MYO10: variants seen among roughly 807,000 people sequenced by gnomAD.
MYO10 encodes the protein unconventional myosin-X.
MYO10 carries 133 observed loss-of-function variants against 257.3 expected under a neutral mutation model. That is an observed-to-expected ratio of 0.52 (90% CI 0.45 to 0.60). MYO10 has a LOEUF of 0.60. Among genes scored for constraint, MYO10 ranks in the 20% least tolerant of loss-of-function variants. The probability of loss-of-function intolerance (pLI) is 0.00; values close to 1 mark genes in which losing one functional copy is unlikely to be tolerated. For missense variants in MYO10, 2,399 were observed against 2,635.7 expected (o/e 0.91, Z 1.97); for synonymous variants, 1,104 against 1,028.6 (o/e 1.07, Z -1.40).
chr5:16,694,534 C>G lies in MYO10; in HGVS notation c.3637G>C (p.Ala1213Pro). ...TTGTGGAGCCAGCCTTGCTTGAGGG[C>G]CTCCTGCTTGGAGCGGAACCACAAG... ...TFLWFRSKQE[A>P]LKQGWLHKKG... Residue 1213 changes from alanine (A) to proline (P), a missense_variant, in exon 27 of 41, where the codon GCC becomes CCC. By Grantham distance (27) the Ala-to-Pro change is conservative (BLOSUM62 -1). Coordinates refer to ENST00000513610, the MANE Select transcript of MYO10 (RefSeq NM_012334.3). 2 of 1,613,988 alleles carry G rather than the reference C, an allele frequency of 1.2e-6. No individual in the cohort carries two copies. Among genetic ancestry groups the G allele is most frequent in the Non-Finnish European group, 1.7e-6 (2 of 1,179,886 alleles).
At chr5:16,731,335 G>A (rs935639672) in intron 19 of MYO10, among the ~76,000 whole-genome samples, 6 of 149,992 alleles carry the variant, frequency 4.0e-5, no homozygotes, top group East Asian at 2.0e-4. Context: ...GAGCCACCAC[G>A]CCCAGTTTTG....
chr5:16,758,141 G>A lies in MYO10; in HGVS notation c.1825C>T (p.Pro609Ser). The A allele has an allele frequency of 6.2e-7, 1 of 1,612,526 alleles. No individual in the cohort carries two copies. Among genetic ancestry groups the A allele is most frequent in the South Asian group, 1.1e-5 (1 of 91,054 alleles). Residue 609 changes from proline (P) to serine (S), a missense_variant, in exon 18 of 41, where the codon CCT becomes TCT. Coordinates refer to ENST00000513610, the MANE Select transcript of MYO10 (RefSeq NM_012334.3). Reference protein sequence around the residue: ...TLKCGSKHRRPTVSSQFKDSL... With the variant: ...TLKCGSKHRRSTVSSQFKDSL... ...ACCTTGAACTGTGAGCTGACTGTAG[G>A]CCGCCGATGTTTGCTTCCACATTTC...
chr5:16,816,215 T>G (rs1742603036), intron 3 of MYO10, among the ~76,000 whole-genome samples: 1 of 151,622 alleles, frequency 6.6e-6, no homozygotes, highest in Admixed American at 6.6e-5. Flanking sequence ...AGCACACGCC[T>G]GTAGTCCCAG....
intron 2 of MYO10, among the ~76,000 whole-genome samples, chr5:16,848,155 C>CTTTTTTTTTTTTTTTCTTTTTTTT (rs1554002459): frequency 3.5e-5 from 4 of 113,596 alleles, no homozygotes; most frequent in African/African-American, 1.5e-4. Flanking sequence ...CTACACATTT[C>CTTTTTTTTTTTTTTTCTTTTTTTT]TTTTTTTTTT....
At chr5:16,823,468 A>ATTTGTTTTTTTTTTTTT (rs1742900121) in intron 2 of MYO10, among the ~76,000 whole-genome samples, 1 of 6,448 alleles carries the variant, frequency 1.6e-4, no homozygotes, top group African/African-American at 4.7e-4. Context: ...GGGAGTGGGG[A>ATTTGTTTTTTTTTTTTT]TTTTTTTTTT....
At chr5:16,771,547 T>TTTA (rs201265648) in intron 9 of MYO10, among the ~76,000 whole-genome samples, 10,598 of 136,772 alleles carry the variant, frequency 0.077, 430 homozygotes, top group South Asian at 0.14. Flanking sequence ...ACTATTATGA[T>TTTA]TTATTATTAT....
intron 2 of MYO10, among the ~76,000 whole-genome samples, chr5:16,825,508 A>G (rs552458875): frequency 6.6e-6 from 1 of 152,154 alleles, no homozygotes; most frequent in Non-Finnish European, 1.5e-5. Context: ...ATGCCTCCCT[A>G]TATTTTATAT....
intron 2 of MYO10, among the ~76,000 whole-genome samples, chr5:16,864,673 A>T (rs1744192740): frequency 6.6e-6 from 1 of 152,232 alleles, no homozygotes; most frequent in South Asian, 2.1e-4. Context: ...AAACATGCAC[A>T]TGTTTAGCCT....
At chr5:16,818,411 T>C (rs2126705193) in intron 2 of MYO10, among the ~76,000 whole-genome samples, 1 of 82,110 alleles carries the variant, frequency 1.2e-5, no homozygotes, top group South Asian at 4.7e-4. Context: ...TGTGTGTGTG[T>C]ATATATATAT....
chr5:16,695,329 G>T (rs1322206963), intron 26 of MYO10, among the ~76,000 whole-genome samples: 1 of 152,070 alleles, frequency 6.6e-6, no homozygotes, highest in African/African-American at 2.4e-5. Context: ...GTGAGACTCC[G>T]TCTCAAAAAA....
At chr5:16,855,272 T>C (rs192101909) in intron 2 of MYO10, among the ~76,000 whole-genome samples, 2 of 152,306 alleles carry the variant, frequency 1.3e-5, no homozygotes, top group Admixed American at 1.3e-4. Context: ...TTCTCTATGG[T>C]ATTTACTTCA....
At chr5:16,730,102 T>C (rs565977698) in intron 19 of MYO10, among the ~76,000 whole-genome samples, 194 of 152,250 alleles carry the variant, frequency 1.3e-3, no homozygotes, top group African/African-American at 4.5e-3. Flanking sequence ...CAGATGCTCA[T>C]TGAAAAAAAT....
intron 2 of MYO10, among the ~76,000 whole-genome samples, chr5:16,828,485 T>A (rs1048321315): frequency 6.6e-6 from 1 of 151,836 alleles, no homozygotes; most frequent in East Asian, 2.0e-4. Flanking sequence ...CAGGGCACAG[T>A]GTCACATGCC....
chr5:16,918,715 G>A (rs1010082268), intron 1 of MYO10, among the ~76,000 whole-genome samples: 4 of 151,766 alleles, frequency 2.6e-5, no homozygotes, highest in African/African-American at 9.7e-5. Flanking sequence ...TGGTCAGGCT[G>A]GTCTCAAACT....
intron 23 of MYO10, 82 bp from the exon 24 acceptor site, chr5:16,702,670 G>T: frequency 1.5e-6 from 2 of 1,353,452 alleles, no homozygotes; most frequent in Non-Finnish European, 2.1e-6. Flanking sequence ...TTTTAAAACA[G>T]CTTTGCCAAA....
intron 1 of MYO10, among the ~76,000 whole-genome samples, chr5:16,925,457 G>A (rs550083534): frequency 6.6e-6 from 1 of 152,226 alleles, no homozygotes; most frequent in South Asian, 2.1e-4. Flanking sequence ...AACAGAGTAA[G>A]TAAGAGTAGG....
chr5:16,813,245 TGC>T (rs1742495914), intron 3 of MYO10, among the ~76,000 whole-genome samples: 1 of 152,082 alleles, frequency 6.6e-6, no homozygotes, highest in African/African-American at 2.4e-5. Context: ...CCTGGCTGGA[TGC>T]GGAGGCTCAT....
At chr5:16,678,708 T>G (rs761743991) in intron 33 of MYO10, among the ~76,000 whole-genome samples, 1 of 152,234 alleles carries the variant, frequency 6.6e-6, no homozygotes, top group Non-Finnish European at 1.5e-5. Context: ...CCACCACTGA[T>G]GGATTAGATC....
At chr5:16,802,534 G>GT (rs989065045) in intron 3 of MYO10, among the ~76,000 whole-genome samples, 1 of 151,360 alleles carries the variant, frequency 6.6e-6, no homozygotes, top group African/African-American at 2.4e-5. Context: ...GCAGGCGCCT[G>GT]TAGTCCCAGC....
Sources: gnomAD v4.1 joint callset for allele counts (sites outside exome capture counted in the v4.1 genomes callset) on GRCh38, gnomAD v4.1.1 for gene constraint, MANE v1.5 for transcripts, NCBI Gene and HGNC (gene_info 2026-07-23, HGNC 2026-07-21) for gene names.